PRDM5: variants seen among roughly 807,000 people sequenced by gnomAD.
PRDM5 encodes PR/SET domain 5.
In PRDM5, 56 loss-of-function variants were observed where a neutral mutation model predicts 81.2. The ratio of observed to expected loss-of-function variants is 0.69; its 90% CI spans 0.56 to 0.86. The LOEUF (loss-of-function observed/expected upper bound fraction) is 0.86. Ranked by LOEUF, PRDM5 falls within the 40% of genes least tolerant of loss-of-function variation. The pLI is 0.00. For missense variants in PRDM5, 697 were observed against 770.1 expected (o/e 0.91, Z 1.12); for synonymous variants, 267 against 256.4 (o/e 1.04, Z -0.39).
intron 2 of PRDM5, among the ~76,000 whole-genome samples, chr4:120,880,570 A>C (rs2148580459): frequency 6.6e-6 from 1 of 152,300 alleles, no homozygotes; most frequent in Non-Finnish European, 1.5e-5. Context: ...TACCTTCTTC[A>C]AAATCTTTGA....
In PRDM5 at chr4:120,749,204, C is replaced by CA. The variant is rs112490419; in HGVS notation, c.1623+5348dup. Among the ~76,000 whole-genome samples, 781 of 141,212 alleles carry CA rather than the reference C, an allele frequency of 5.5e-3. 3 individuals carry two copies. Among genetic ancestry groups the CA allele is most frequent in the Non-Finnish European group, 7.7e-3 (497 of 64,138 alleles). 92.6% of individuals were successfully genotyped at this position (141,212 alleles called of 152,430 possible). A position where few individuals can be genotyped will look rare whatever the true frequency, so the allele number is the denominator to read the frequency against. The stretch of plus-strand genomic sequence containing the variant: ...CAAAACAATCAGATGAACTAAATGT[C>CA]AAAAAAAAAAAATGGAACACAGAAT... On this transcript the variant is annotated intron_variant, in intron 14 of 15. Coordinates refer to ENST00000264808, the MANE Select transcript of PRDM5 (RefSeq NM_018699.4).
rs181954308 is a variant in PRDM5 at position 120,823,256 on chromosome 4, C to A, written c.301-1911G>T. ...TAATTTTTAATTTTAAAACATGATA[C>A]CATTAACTTAAACTGTAATCACAGG... On this transcript the variant is annotated intron_variant, in intron 3 of 15. Coordinates refer to ENST00000264808, the MANE Select transcript of PRDM5 (RefSeq NM_018699.4). 2.4e-3 allele frequency among the ~76,000 whole-genome samples: 360 copies of A among 152,212 alleles called. 2 individuals carry two copies. Among genetic ancestry groups the A allele is most frequent in the Non-Finnish European group, 4.0e-3 (272 of 68,012 alleles).
intron 15 of PRDM5, among the ~76,000 whole-genome samples, chr4:120,700,303 A>G (rs1735167525): frequency 6.6e-6 from 1 of 152,210 alleles, no homozygotes; most frequent in Admixed American, 6.5e-5. Context: ...TACAAAAATT[A>G]ACTTTAAGAT....
intron 10 of PRDM5, among the ~76,000 whole-genome samples, chr4:120,791,696 A>T (rs1255091628): frequency 3.3e-5 from 5 of 151,898 alleles, no homozygotes; most frequent in Admixed American, 6.6e-5. Context: ...CCCAACCACC[A>T]CCAACTCTCA....
chr4:120,741,548 G>A lies in PRDM5; in HGVS notation c.1623+13005C>T, dbSNP rs561503077. Among the ~76,000 whole-genome samples, 11 of 151,950 alleles carry A rather than the reference G, an allele frequency of 7.2e-5. No homozygotes were observed. In the South Asian group the frequency reaches 1.7e-3, roughly 23 times the overall value. On this transcript the variant is annotated intron_variant, in intron 14 of 15. Transcript: ENST00000264808. ...ATCTCACTAGGGAGTGCCAGACAGT[G>A]AGCGCAGGTCAGTGGGTGCGCGCAC...
At chr4:120,824,437 T>G (rs981245780) in intron 3 of PRDM5, among the ~76,000 whole-genome samples, 1 of 152,324 alleles carries the variant, frequency 6.6e-6, no homozygotes, top group South Asian at 2.1e-4. Flanking sequence ...CTGCTTGTGA[T>G]TCAAGTCACT....
At chr4:120,695,912 A>G (rs1734467420) in intron 15 of PRDM5, among the ~76,000 whole-genome samples, 1 of 152,148 alleles carries the variant, frequency 6.6e-6, no homozygotes, top group Non-Finnish European at 1.5e-5. Flanking sequence ...CTTCAAAATC[A>G]TATCCGTTGT....
intron 14 of PRDM5, among the ~76,000 whole-genome samples, chr4:120,747,549 C>T (rs184323006): frequency 1.4e-3 from 216 of 152,162 alleles, no homozygotes; most frequent in Non-Finnish European, 2.3e-3. Flanking sequence ...GCGTCTGATA[C>T]CTAGGAACTC....
rs529695517 is a variant in PRDM5, at chr4:120,918,077, T to C, written c.93+4439A>G. On this transcript the variant is annotated intron_variant, in intron 1 of 15. Coordinates refer to ENST00000264808, the MANE Select transcript of PRDM5 (RefSeq NM_018699.4). ...CACTCGCTTTTCTGCCACTAGTAAC[T>C]AAAACAGTGCCTAAAAACTGCCATA... Among the ~76,000 whole-genome samples, 353 of 152,300 alleles carry C rather than the reference T, an allele frequency of 2.3e-3. 1 individual carries two copies. Among genetic ancestry groups the C allele is most frequent in the Non-Finnish European group, 3.8e-3 (260 of 68,024 alleles).
intron 1 of PRDM5, among the ~76,000 whole-genome samples, chr4:120,914,874 C>A (rs879666142): frequency 1.3e-5 from 2 of 152,072 alleles, no homozygotes; most frequent in African/African-American, 4.8e-5. Context: ...TAGCTGGAGG[C>A]CATTATTCTA....
At chr4:120,904,722 G>T (rs1178095132) in intron 2 of PRDM5, among the ~76,000 whole-genome samples, 1 of 152,070 alleles carries the variant, frequency 6.6e-6, no homozygotes, top group East Asian at 1.9e-4. Flanking sequence ...GTACAAAAAT[G>T]ACTTTGTTTC....
intron 1 of PRDM5, among the ~76,000 whole-genome samples, chr4:120,910,201 A>G (rs561476554): frequency 5.3e-5 from 8 of 152,208 alleles, no homozygotes; most frequent in Non-Finnish European, 7.4e-5. Flanking sequence ...ATCTTTGATG[A>G]CATTTCTTCA....
intron 13 of PRDM5, among the ~76,000 whole-genome samples, chr4:120,756,074 C>T (rs780097336): frequency 3.3e-5 from 5 of 152,130 alleles, no homozygotes; most frequent in Non-Finnish European, 5.9e-5. Context: ...GAATTATTGA[C>T]CTTAGGATCA....
At chr4:120,792,053 GCTTAAA>G (rs1235140759) in intron 10 of PRDM5, among the ~76,000 whole-genome samples, 4 of 152,096 alleles carry the variant, frequency 2.6e-5, no homozygotes, top group Admixed American at 1.3e-4. Context: ...TGTTATAGCA[GCTTAAA>G]CTGAAGACAC....
chr4:120,750,687 TAC>T (rs56024428), intron 14 of PRDM5, among the ~76,000 whole-genome samples: 28,467 of 147,374 alleles, frequency 0.19, 2,881 homozygotes, highest in Non-Finnish European at 0.23. Flanking sequence ...TAGTTTCTTT[TAC>T]ACACACACAC....
At chr4:120,775,974 C>T (rs766087859) in intron 13 of PRDM5, among the ~76,000 whole-genome samples, 23 of 152,066 alleles carry the variant, frequency 1.5e-4, no homozygotes, top group African/African-American at 2.2e-4. Context: ...CTGGTGCCAC[C>T]GGCCGTTGGC....
intron 8 of PRDM5, among the ~76,000 whole-genome samples, chr4:120,808,977 C>T (rs1283414533): frequency 6.6e-6 from 1 of 152,224 alleles, no homozygotes; most frequent in Admixed American, 6.5e-5. Flanking sequence ...GCTGAGGGAG[C>T]CGGCTCCGGC....
At chr4:120,831,084 C>A (rs567225514) in intron 3 of PRDM5, among the ~76,000 whole-genome samples, 1 of 152,100 alleles carries the variant, frequency 6.6e-6, no homozygotes, top group African/African-American at 2.4e-5. Context: ...AATATATATA[C>A]TTCACTTTTT....
At chr4:120,860,596 C>T (rs1760454174) in intron 2 of PRDM5, among the ~76,000 whole-genome samples, 1 of 151,728 alleles carries the variant, frequency 6.6e-6, no homozygotes, top group Non-Finnish European at 1.5e-5. Context: ...ACAACAGTGA[C>T]CACTTTCTCC....
Sources: allele counts gnomAD v4.1 joint callset (sites outside exome capture counted in the v4.1 genomes callset), GRCh38; gene constraint gnomAD v4.1.1; transcripts MANE v1.5; gene names NCBI Gene and HGNC (gene_info 2026-07-23, HGNC 2026-07-21).